RPS6KC1: variants seen among roughly 807,000 people sequenced by gnomAD.
RPS6KC1 encodes ribosomal protein S6 kinase C1.
A neutral mutation model predicts 103.8 loss-of-function variants in RPS6KC1; 54 were observed. That is an observed-to-expected ratio of 0.52 (90% CI 0.42 to 0.65). The LOEUF (loss-of-function observed/expected upper bound fraction) is 0.65. Among genes scored for constraint, RPS6KC1 ranks in the 30% least tolerant of loss-of-function variants. The pLI, the probability that RPS6KC1 is intolerant of heterozygous loss-of-function variation, is 0.00. For missense variants in RPS6KC1, 1,151 were observed against 1,253.8 expected, an observed-to-expected ratio of 0.92 and a Z score of 1.24; for synonymous variants, 439 against 438.7, an observed-to-expected ratio of 1.00 and a Z score of -0.01.
chr1:213,642,318 A>G, the RPS6KC1 span, among the ~76,000 whole-genome samples: 1 of 152,138 alleles, frequency 6.6e-6, no homozygotes, highest in Non-Finnish European at 1.5e-5. Flanking sequence ...GTTGCATTCA[A>G]TTGAAGGAAA....
At chr1:213,277,062 A>G (rs2095113951), downstream of RPS6KC1, among the ~76,000 whole-genome samples, 2 of 152,196 alleles carry the variant, frequency 1.3e-5, no homozygotes, top group Non-Finnish European at 2.9e-5. Context: ...TAGATTTTTG[A>G]TTATTTTATG....
chr1:213,774,892 G>T, the RPS6KC1 span, among the ~76,000 whole-genome samples: 2 of 152,242 alleles, frequency 1.3e-5, no homozygotes, highest in Non-Finnish European at 2.9e-5. Context: ...CGCACTCCAT[G>T]TGGGAGATGC....
chr1:213,832,320 G>A, the RPS6KC1 span, among the ~76,000 whole-genome samples: 9 of 152,206 alleles, frequency 5.9e-5, no homozygotes, highest in South Asian at 2.1e-4. Context: ...CCATTGACTG[G>A]GGCCATAAGA....
chr1:213,228,492 AGGAGGATTGC>A (rs1239778937), intron 8 of RPS6KC1, among the ~76,000 whole-genome samples: 1 of 152,084 alleles, frequency 6.6e-6, no homozygotes. Flanking sequence ...AGGCCAAGGC[AGGAGGATTGC>A]TTGAGCGATC....
the RPS6KC1 span, among the ~76,000 whole-genome samples, chr1:213,389,546 C>T: frequency 3.3e-5 from 5 of 152,182 alleles, no homozygotes; most frequent in South Asian, 2.1e-4. Flanking sequence ...CGTCTGCATC[C>T]GCGTGCACAC....
At chr1:213,373,525 A>G in the RPS6KC1 span, among the ~76,000 whole-genome samples, 1 of 152,238 alleles carries the variant, frequency 6.6e-6, no homozygotes, top group East Asian at 1.9e-4. Context: ...TCAGAACAAA[A>G]CAACAAAAAA....
intron 3 of RPS6KC1, among the ~76,000 whole-genome samples, chr1:213,101,601 A>G (rs1572530157): frequency 6.6e-6 from 1 of 152,270 alleles, no homozygotes; most frequent in African/African-American, 2.4e-5. Context: ...AGATCTTTTT[A>G]GGGTACTATT....
chr1:213,815,583 T>A, the RPS6KC1 span, among the ~76,000 whole-genome samples: 1 of 152,116 alleles, frequency 6.6e-6, no homozygotes, highest in Admixed American at 6.5e-5. Flanking sequence ...ACATAGTGGG[T>A]TTGGTTCCAG....
intron 3 of RPS6KC1, among the ~76,000 whole-genome samples, chr1:213,085,167 T>C (rs769934982): frequency 2.0e-5 from 3 of 152,230 alleles, no homozygotes; most frequent in Non-Finnish European, 4.4e-5. Flanking sequence ...TCTTTCAGCT[T>C]TTCGTAGCTG....
At chr1:213,633,578 C>T in the RPS6KC1 span, among the ~76,000 whole-genome samples, 6 of 152,014 alleles carry the variant, frequency 3.9e-5, no homozygotes, top group Admixed American at 3.9e-4. Context: ...CAACCGGTAC[C>T]AGCCACTGCA....
the RPS6KC1 span, among the ~76,000 whole-genome samples, chr1:213,735,809 A>G: frequency 2.0e-5 from 3 of 152,230 alleles, no homozygotes; most frequent in African/African-American, 7.2e-5. Flanking sequence ...TTCTAATGTG[A>G]GCTGGTCACT....
rs983293861 is a variant in RPS6KC1 at position 213,168,798 on chromosome 1, A to G, written c.951+825A>G. 1.1e-4 allele frequency among the ~76,000 whole-genome samples: 17 copies of G among 151,830 alleles called. 2 individuals carry two copies. Among genetic ancestry groups the G allele is most frequent in the Admixed American group, 1.1e-3 (17 of 15,250 alleles). Reference sequence around the variant, plus strand: ...CCACATGCCCGGCTAACTTTTTTGTATTTTTAGTAGAGACAGGGTTTCACC... The same window carrying G: ...CCACATGCCCGGCTAACTTTTTTGTGTTTTTAGTAGAGACAGGGTTTCACC... On this transcript the variant is annotated intron_variant, in intron 7 of 14. Coordinates refer to ENST00000366960, the MANE Select transcript of RPS6KC1 (RefSeq NM_012424.6).
At chr1:213,785,357 T>G in the RPS6KC1 span, among the ~76,000 whole-genome samples, 3 of 151,974 alleles carry the variant, frequency 2.0e-5, no homozygotes, top group Non-Finnish European at 4.4e-5. Context: ...AAGGAGAGTA[T>G]CCTTGGAGAT....
At chr1:213,118,199 T>G (rs562275310) in intron 5 of RPS6KC1, among the ~76,000 whole-genome samples, 2 of 152,044 alleles carry the variant, frequency 1.3e-5, no homozygotes, top group South Asian at 4.2e-4. Context: ...TTTTAATCAC[T>G]TTCATTCAAG....
the RPS6KC1 span, among the ~76,000 whole-genome samples, chr1:213,664,192 C>CGGGGGGGGGGGG: frequency 2.3e-4 from 7 of 29,848 alleles, no homozygotes; most frequent in East Asian, 1.2e-3. Context: ...AAGAAATGAG[C>CGGGGGGGGGGGG]GGGGGGGCGG....
At chr1:213,111,937 A>G (rs372746477) in intron 4 of RPS6KC1, among the ~76,000 whole-genome samples, 1 of 152,212 alleles carries the variant, frequency 6.6e-6, no homozygotes, top group Non-Finnish European at 1.5e-5. Flanking sequence ...AATAAAGTGT[A>G]GAATAAAGTA....
At chr1:213,324,980 C>T in the RPS6KC1 span, among the ~76,000 whole-genome samples, 23 of 152,132 alleles carry the variant, frequency 1.5e-4, no homozygotes, top group Admixed American at 2.6e-4. Flanking sequence ...TTATCGCTCT[C>T]CAAGGACCTC....
the RPS6KC1 span, among the ~76,000 whole-genome samples, chr1:213,737,756 A>G: frequency 6.6e-6 from 1 of 152,154 alleles, no homozygotes; most frequent in Non-Finnish European, 1.5e-5. Flanking sequence ...TGTCCTATAA[A>G]CCAATCAAAT....
chr1:213,222,693 C>T (rs2093865611), intron 8 of RPS6KC1, among the ~76,000 whole-genome samples: 2 of 152,000 alleles, frequency 1.3e-5, no homozygotes, highest in South Asian at 2.1e-4. Context: ...AAAGATGCCT[C>T]ATGAGAATAA....
Sources: allele counts gnomAD v4.1 joint callset (sites outside exome capture counted in the v4.1 genomes callset), GRCh38; gene constraint gnomAD v4.1.1; transcripts MANE v1.5; gene names NCBI Gene and HGNC (gene_info 2026-07-23, HGNC 2026-07-21).